MACF1: variants seen among roughly 807,000 people sequenced by gnomAD.
The protein encoded by MACF1 is microtubule actin crosslinking factor 1.
Under a neutral mutation model 854.8 loss-of-function variants are expected in MACF1, and 193 were observed. The ratio of observed to expected loss-of-function variants is 0.23; its 90% CI spans 0.20 to 0.25. The LOEUF is 0.25. Among genes scored for constraint, MACF1 ranks in the 10% least tolerant of loss-of-function variants. The pLI is 1.00. For synonymous variants in MACF1, 3,185 were observed against 3,226.7 expected (o/e 0.99, Z 0.44); for missense variants, 7,722 against 8,929.1 (o/e 0.86, Z 5.45).
intron 87 of MACF1, 34 bp downstream of exon 87, chr1:39,452,846 T>C (rs1310056918): frequency 1.2e-6 from 2 of 1,607,366 alleles, no homozygotes; most frequent in South Asian, 2.2e-5. Context: ...GACCTCATGC[T>C]ACCTACCACC....
intron 58 of MACF1, chr1:39,410,329 G>A (rs1435050026): frequency 6.2e-7 from 1 of 1,613,376 alleles, no homozygotes; most frequent in African/African-American, 1.3e-5. Context: ...GGGGAAAGGA[G>A]AGGAGGAGGA....
Position 39,319,766 on chromosome 1 carries a change from A to G in MACF1, c.4029+19A>G. On this transcript the variant is annotated intron_variant, in intron 31 of 100. Transcript: ENST00000564288. ...TGTAAAGGTAACTTTACCACATCCCAAAAAGAACATGAATCATCACCAGCT... is the reference window on the plus strand; with the variant it reads ...TGTAAAGGTAACTTTACCACATCCCGAAAAGAACATGAATCATCACCAGCT... 6.4e-7 allele frequency: 1 copy of G among 1,553,198 alleles called. No homozygotes were observed. Among genetic ancestry groups the G allele is most frequent in the Non-Finnish European group, 8.9e-7 (1 of 1,127,898 alleles).
rs760650301 is a variant in MACF1 at position 39,333,025 on chromosome 1, T to A, written c.6437T>A (p.Val2146Asp). The change falls in exon 37 of 101, where the codon GTT becomes GAT. Residue 2146 changes from valine (V) to aspartate (D), a missense_variant. By Grantham distance (152) the Val-to-Asp change is radical (BLOSUM62 -3). Coordinates refer to ENST00000564288, the MANE Select transcript of MACF1 (RefSeq NM_001394062.1). ...GAGGCGGAAGGTGTGCCGTTGGTGG[T>A]TGACAAAGATGTTTTTTCTGTTGAA... ...PAEAEGVPLVVDKDVFSVETP... is the reference protein window; with the variant it reads ...PAEAEGVPLVDDKDVFSVETP... The A allele has an allele frequency of 6.2e-7, 1 of 1,614,056 alleles. No individual in the cohort carries two copies. Among genetic ancestry groups the A allele is most frequent in the South Asian group, 1.1e-5 (1 of 91,068 alleles).
At chr1:39,264,147 G>A (rs570985852) in intron 6 of MACF1, among the ~76,000 whole-genome samples, 17 of 152,230 alleles carry the variant, frequency 1.1e-4, no homozygotes, top group African/African-American at 2.2e-4. Flanking sequence ...TATTTGTAAC[G>A]TATTATTTAA....
At chr1:39,351,800 C>G (rs1002263321) in intron 43 of MACF1, among the ~76,000 whole-genome samples, 8 of 152,010 alleles carry the variant, frequency 5.3e-5, no homozygotes, top group African/African-American at 1.9e-4. Flanking sequence ...GTGGACCCAG[C>G]TGTTCTCAAA....
intron 2 of MACF1, among the ~76,000 whole-genome samples, chr1:39,096,580 C>T (rs1238642848): frequency 9.4e-6 from 1 of 106,688 alleles, no homozygotes; most frequent in Non-Finnish European, 2.1e-5. Flanking sequence ...CAGAGCAAGA[C>T]TCTATCTCAA....
intron 52 of MACF1, among the ~76,000 whole-genome samples, chr1:39,376,054 C>A (rs942626081): frequency 6.6e-6 from 1 of 152,100 alleles, no homozygotes; most frequent in African/African-American, 2.4e-5. Flanking sequence ...TCATAAATTG[C>A]TGGTAAAGAG....
At position 39,301,981 on chromosome 1, in the gene MACF1, CTATTTATTTATT is replaced by C. The variant is rs139531559; in HGVS notation, c.2635-927_2635-916del. ...TATGCTTGTCTGCTTACCACTGTAC[CTATTTATTTATT>C]TATTTATTTATTTATGTTTTGTGAC... On this transcript the variant is annotated intron_variant, in intron 22 of 100. Transcript: ENST00000564288. Among the ~76,000 whole-genome samples the C allele has an allele frequency of 8.1e-4, 122 of 150,998 alleles. 1 individual carries two copies. The highest frequency in any genetic ancestry group is 6.8e-3 in the Middle Eastern group (2 of 294).
chr1:39,408,669 A>G (rs1642816198), intron 58 of MACF1, among the ~76,000 whole-genome samples: 1 of 151,544 alleles, frequency 6.6e-6, no homozygotes, highest in Non-Finnish European at 1.5e-5. Context: ...CAGCGGGAGG[A>G]GGGCGGGGCT....
Position 39,455,083 on chromosome 1 carries a change from A to G in MACF1, c.21061A>G (p.Ile7021Val). ...PQNIDRVKALIAEHQTFMEEM... is the reference protein window; with the variant it reads ...PQNIDRVKALVAEHQTFMEEM... Reference sequence around the variant, plus strand: ...GAACATTGACCGAGTTAAAGCCCTTATCGCTGAGCATCAGGTATCTTAACC... The same window carrying G: ...GAACATTGACCGAGTTAAAGCCCTTGTCGCTGAGCATCAGGTATCTTAACC... The change falls in exon 89 of 101, where the codon ATC (isoleucine) becomes GTC (valine). Residue 7021 changes from isoleucine (I) to valine (V), a missense_variant. Around this residue, in one of 15 missense-constraint regions of MACF1, gnomAD observed 729 missense variants for 900.5 expected, o/e 0.81. Coordinates refer to ENST00000564288, the MANE Select transcript of MACF1 (RefSeq NM_001394062.1). 6.2e-7 allele frequency: 1 copy of G among 1,613,992 alleles called. No homozygotes were observed.
At chr1:39,113,427 T>C (rs1158837667) in intron 2 of MACF1, among the ~76,000 whole-genome samples, 1 of 152,178 alleles carries the variant, frequency 6.6e-6, no homozygotes, top group African/African-American at 2.4e-5. Flanking sequence ...ACAAACGAAT[T>C]GTGTTTATCG....
Position 39,361,063 on chromosome 1 carries a change from A to C in MACF1, c.12453+62A>C. On this transcript the variant is annotated intron_variant, in intron 48 of 100. Coordinates refer to ENST00000564288, the MANE Select transcript of MACF1 (RefSeq NM_001394062.1). ...TGTTTGCTATGTGCCATCATTACAT[A>C]ATGTTGAAAAAGTAACAAGAGGGAA... 3.5e-6 allele frequency: 5 copies of C among 1,412,918 alleles called. No homozygotes were observed. The South Asian group carries it at 6.0e-5, about 17-fold the overall frequency. The allele number at this position is 1,412,918 out of a possible 1,614,324, so 87.5% of individuals were successfully genotyped here. A position where few individuals can be genotyped will look rare whatever the true frequency, so the allele number is the denominator to read the frequency against.
intron 22 of MACF1, among the ~76,000 whole-genome samples, chr1:39,302,456 A>G (rs1483259633): frequency 6.6e-6 from 1 of 152,228 alleles, no homozygotes; most frequent in Non-Finnish European, 1.5e-5. Context: ...GTTAGGGATA[A>G]TAGTCTTGAT....
intron 2 of MACF1, among the ~76,000 whole-genome samples, chr1:39,090,835 C>T (rs1445741415): frequency 6.6e-6 from 1 of 152,178 alleles, no homozygotes; most frequent in East Asian, 1.9e-4. Context: ...CAGCAGTCCT[C>T]CCCTTGAGGA....
chr1:39,295,943 A>T, intron 20 of MACF1, 61 bp downstream of exon 20: 2 of 1,422,732 alleles, frequency 1.4e-6, no homozygotes, highest in Non-Finnish European at 2.0e-6. Context: ...GTGAGGTTAC[A>T]AACACATCTG....
intron 2 of MACF1, among the ~76,000 whole-genome samples, chr1:39,159,080 A>G (rs1643747052): frequency 6.6e-6 from 1 of 152,108 alleles, no homozygotes; most frequent in Admixed American, 6.5e-5. Context: ...AGCACTTATT[A>G]TGGTGTGTAT....
intron 86 of MACF1, 71 bp from the exon 87 acceptor site, chr1:39,452,613 C>T: frequency 1.9e-6 from 3 of 1,591,604 alleles, no homozygotes; most frequent in Non-Finnish European, 2.6e-6. Flanking sequence ...GGACCCTTTC[C>T]CTAGCATGTC....
intron 2 of MACF1, chr1:39,249,784 G>C: frequency 2.6e-6 from 1 of 387,324 alleles, no homozygotes; most frequent in East Asian, 5.0e-5. Flanking sequence ...GTTGGTTAGA[G>C]TGTGTAATAG....
chr1:39,090,531 T>C (rs184359815), intron 2 of MACF1, among the ~76,000 whole-genome samples: 2 of 152,154 alleles, frequency 1.3e-5, no homozygotes, highest in African/African-American at 4.8e-5. Flanking sequence ...GGGACCCCAG[T>C]TGGTGAGGGA....
Sources: allele counts gnomAD v4.1 joint callset (sites outside exome capture counted in the v4.1 genomes callset), GRCh38; gene constraint gnomAD v4.1.1; regional missense constraint gnomAD v4.1.1; transcripts MANE v1.5; gene names NCBI Gene and HGNC (gene_info 2026-07-23, HGNC 2026-07-21).